Variants in AMOTL1 observed in about 807,000 individuals in gnomAD.
The protein encoded by AMOTL1 is angiomotin-like protein 1.
Under a neutral mutation model 102.9 loss-of-function variants are expected in AMOTL1, and 45 were observed. The ratio of observed to expected loss-of-function variants is 0.44; its 90% CI spans 0.34 to 0.56. AMOTL1 has a LOEUF of 0.56. Among genes scored for constraint, AMOTL1 ranks in the 20% least tolerant of loss-of-function variants. The probability of loss-of-function intolerance (pLI) is 0.01; values close to 1 mark genes in which losing one functional copy is unlikely to be tolerated. For missense variants in AMOTL1, 1,114 were observed against 1,225.6 expected, an observed-to-expected ratio of 0.91 and a Z score of 1.36; for synonymous variants, 481 against 484.7, an observed-to-expected ratio of 0.99 and a Z score of 0.10.
intron 9 of AMOTL1, among the ~76,000 whole-genome samples, chr11:94,860,814 A>G (rs563567421): frequency 6.6e-6 from 1 of 152,208 alleles, no homozygotes; most frequent in South Asian, 2.1e-4. Flanking sequence ...AGAGAGGAGT[A>G]AAAGCCACAT....
chr11:94,766,418 G>C (rs12421507), upstream of AMOTL1, among the ~76,000 whole-genome samples: 3 of 152,084 alleles, frequency 2.0e-5, no homozygotes, highest in Non-Finnish European at 4.4e-5. Flanking sequence ...AACTTGCTCA[G>C]CGTCACACAG....
At chr11:94,791,637 C>T (rs1951287647) in intron 1 of AMOTL1, among the ~76,000 whole-genome samples, 1 of 152,130 alleles carries the variant, frequency 6.6e-6, no homozygotes, top group Admixed American at 6.5e-5. Flanking sequence ...AAACTGGCAC[C>T]ATTGCTCAGC....
chr11:94,728,223 A>T (rs372293191), intron 1 of AMOTL1, among the ~76,000 whole-genome samples: 1 of 152,252 alleles, frequency 6.6e-6, no homozygotes, highest in East Asian at 1.9e-4. Context: ...AGTTGTAATC[A>T]GCCCAGGTAC....
In AMOTL1 at chr11:94,864,833, A is replaced by G. The variant is rs1952847655; in HGVS notation, c.2234A>G (p.Asn745Ser). Residue 745 changes from asparagine to serine, a missense_variant, in exon 10 of 13, where the codon AAC (asparagine) becomes AGC (serine). Physicochemically the swap from Asn to Ser is conservative, Grantham distance 46. Coordinates refer to ENST00000433060, the MANE Select transcript of AMOTL1 (RefSeq NM_130847.3). ...WQEEEEVVQA[N>S]RRCQDMEYTI... is the part of the protein sequence containing the mutation. ...GAGGAGGAGGAGGTGGTGCAGGCCA[A>G]CAGAAGGTGTCAGGACATGGAATAC... 4 of 1,613,792 alleles carry G rather than the reference A, an allele frequency of 2.5e-6. No individual in the cohort carries two copies. Among genetic ancestry groups the G allele is most frequent in the Non-Finnish European group, 3.4e-6 (4 of 1,179,758 alleles).
chr11:94,746,014 T>C (rs1950585724), intron 3 of AMOTL1, among the ~76,000 whole-genome samples: 1 of 152,216 alleles, frequency 6.6e-6, no homozygotes, highest in Admixed American at 6.5e-5. Flanking sequence ...TTTTGCCTCA[T>C]GATTGATAGT....
chr11:94,857,398 G>T (rs1466779420), intron 8 of AMOTL1, among the ~76,000 whole-genome samples: 1 of 152,176 alleles, frequency 6.6e-6, no homozygotes, highest in African/African-American at 2.4e-5. Flanking sequence ...CAGAAGTGTG[G>T]CTTATTGAAG....
intron 1 of AMOTL1, among the ~76,000 whole-genome samples, chr11:94,781,335 C>T (rs1951108672): frequency 6.6e-6 from 1 of 152,166 alleles, no homozygotes; most frequent in Admixed American, 6.5e-5. Context: ...CACTGACTTC[C>T]AGGGGCCATG....
At chr11:94,794,536 T>G (rs935390327) in intron 1 of AMOTL1, among the ~76,000 whole-genome samples, 4 of 152,230 alleles carry the variant, frequency 2.6e-5, no homozygotes, top group African/African-American at 9.6e-5. Flanking sequence ...GCACATTCTC[T>G]TGCTAACACA....
Position 94,844,806 on chromosome 11 carries a change from C to T in AMOTL1, c.1649-5308C>T, listed in dbSNP as rs1471210552. Among the ~76,000 whole-genome samples the T allele has an allele frequency of 2.0e-5, 3 of 152,256 alleles. No homozygotes were observed. In the East Asian group the frequency reaches 5.8e-4, roughly 29 times the overall value. Reference sequence around the variant, plus strand: ...TTTCTAACACATGAAATTTGGGGAACCATATTCAAACCATAGCAAACACCT... The same window carrying T: ...TTTCTAACACATGAAATTTGGGGAATCATATTCAAACCATAGCAAACACCT... On this transcript the variant is annotated intron_variant, in intron 6 of 12. Coordinates refer to ENST00000433060, the MANE Select transcript of AMOTL1 (RefSeq NM_130847.3).
At position 94,850,121 on chromosome 11, in the gene AMOTL1, A is replaced by C; in HGVS notation, c.1656A>C (p.Glu552Asp). Residue 552 changes from glutamate (E) to aspartate (D), a missense_variant, in exon 7 of 13, where the codon GAA becomes GAC. By Grantham distance (45) the Glu-to-Asp change is conservative. Coordinates refer to ENST00000433060, the MANE Select transcript of AMOTL1 (RefSeq NM_130847.3). ...AEGHYASQNK[E>D]FLKEKEKLEM... ...TTCGTGTTTCCCTTCTAGACAAAGA[A>C]TTCTTGAAGGAAAAGGAGAAATTAG... 1 of 1,579,436 alleles carries C rather than the reference A, an allele frequency of 6.3e-7. No individual in the cohort carries two copies. The highest frequency in any genetic ancestry group is 2.3e-5 in the East Asian group (1 of 43,486).
chr11:94,867,569 C>T (rs1450497127), intron 11 of AMOTL1, among the ~76,000 whole-genome samples: 1 of 152,132 alleles, frequency 6.6e-6, no homozygotes, highest in African/African-American at 2.4e-5. Flanking sequence ...GATATTCCTC[C>T]TCATTGTTGT....
intron 1 of AMOTL1, among the ~76,000 whole-genome samples, chr11:94,786,084 G>A (rs1164852532): frequency 6.6e-6 from 1 of 152,068 alleles, no homozygotes; most frequent in African/African-American, 2.4e-5. Flanking sequence ...TAAATATAGG[G>A]TTTATTTATT....
chr11:94,831,767 A>G (rs984572307), intron 6 of AMOTL1, among the ~76,000 whole-genome samples: 4 of 152,106 alleles, frequency 2.6e-5, no homozygotes, highest in African/African-American at 9.7e-5. Context: ...TCTGACCTAC[A>G]GTTTCTCTCT....
intron 1 of AMOTL1, among the ~76,000 whole-genome samples, chr11:94,726,479 A>G (rs1950260645): frequency 6.6e-6 from 1 of 152,190 alleles, no homozygotes; most frequent in Admixed American, 6.5e-5. Flanking sequence ...GTGATTCTCA[A>G]AGCCAGAATT....
intron 6 of AMOTL1, among the ~76,000 whole-genome samples, chr11:94,844,476 G>A (rs2093524116): frequency 6.6e-6 from 1 of 152,202 alleles, no homozygotes. Context: ...CACAGACTAG[G>A]TAATTTACAA....
At chr11:94,718,642 T>G (rs368724826) in intron 1 of AMOTL1, among the ~76,000 whole-genome samples, 178 of 151,912 alleles carry the variant, frequency 1.2e-3, no homozygotes, top group Non-Finnish European at 2.0e-3. Context: ...ATATCAAGAT[T>G]GTTTTGACTC....
chr11:94,716,036 T>C (rs1307083161), intron 1 of AMOTL1, among the ~76,000 whole-genome samples: 3 of 152,280 alleles, frequency 2.0e-5, no homozygotes, highest in Admixed American at 1.3e-4. Context: ...TCTGAGGCTC[T>C]GTTAAATTTT....
intron 6 of AMOTL1, among the ~76,000 whole-genome samples, chr11:94,847,750 T>C (rs1952445943): frequency 9.2e-6 from 1 of 108,788 alleles, no homozygotes; most frequent in South Asian, 3.5e-4. Context: ...CATGTATATA[T>C]GCGGTGGGGG....
At chr11:94,785,955 CCA>C (rs1951181189) in intron 1 of AMOTL1, among the ~76,000 whole-genome samples, 1 of 152,120 alleles carries the variant, frequency 6.6e-6, no homozygotes, top group African/African-American at 2.4e-5. Flanking sequence ...CTCAGTGGGA[CCA>C]CAGTGTGTGC....
Sources: allele counts gnomAD v4.1 joint callset (sites outside exome capture counted in the v4.1 genomes callset), GRCh38; gene constraint gnomAD v4.1.1; transcripts MANE v1.5; gene names NCBI Gene and HGNC (gene_info 2026-07-23, HGNC 2026-07-21).